The following PAK5 variants were observed in gnomAD, a reference collection of about 807,000 sequenced individuals.
The protein encoded by PAK5 is p21 (RAC1) activated kinase 5, also known as serine/threonine-protein kinase PAK 5.
In PAK5, 16 loss-of-function variants were observed where a neutral mutation model predicts 65.9. The ratio of observed to expected loss-of-function variants is 0.24; its 90% CI spans 0.16 to 0.37. The LOEUF is 0.37. PAK5 is among the 10% of genes least tolerant of loss of function. PAK5 has a pLI of 1.00. For missense variants in PAK5, 785 were observed against 903.9 expected (o/e 0.87, Z 1.69); for synonymous variants, 371 against 354.9 (o/e 1.05, Z -0.51).
chr20:9,551,749 A>G (rs2045431766), intron 7 of PAK5, among the ~76,000 whole-genome samples: 1 of 152,198 alleles, frequency 6.6e-6, no homozygotes, highest in South Asian at 2.1e-4. Context: ...GCCTCACCTG[A>G]GAGCCTGTTA....
intron 2 of PAK5, among the ~76,000 whole-genome samples, chr20:9,699,128 T>C (rs1428564786): frequency 6.6e-6 from 1 of 152,114 alleles, no homozygotes; most frequent in African/African-American, 2.4e-5. Context: ...AGATCTCTGC[T>C]TGCTGTCTTT....
At chr20:9,797,972 C>T (rs567971258) in intron 1 of PAK5, among the ~76,000 whole-genome samples, 35 of 152,138 alleles carry the variant, frequency 2.3e-4, no homozygotes, top group African/African-American at 7.9e-4. Flanking sequence ...AGAAGTACCC[C>T]AACCTGTAGA....
intron 2 of PAK5, among the ~76,000 whole-genome samples, chr20:9,658,879 C>A (rs1282941263): frequency 3.9e-5 from 6 of 152,100 alleles, no homozygotes; most frequent in Non-Finnish European, 7.4e-5. Flanking sequence ...TAAGAATAAA[C>A]CCTAATTCTG....
intron 2 of PAK5, among the ~76,000 whole-genome samples, chr20:9,700,389 T>C (rs1044084236): frequency 6.6e-6 from 1 of 152,162 alleles, no homozygotes; most frequent in African/African-American, 2.4e-5. Context: ...CCAGCCTGGG[T>C]GACAGAGTGA....
intron 1 of PAK5, among the ~76,000 whole-genome samples, chr20:9,750,935 T>C (rs1313554129): frequency 6.6e-6 from 1 of 152,158 alleles, no homozygotes; most frequent in Admixed American, 6.6e-5. Context: ...CCAGGCCACA[T>C]GTCTGTGCCC....
rs1445310484 is a variant in PAK5 at position 9,539,354 on chromosome 20, T to C, written c.*108A>G. ...CCGGTCATCACGCTGTCCCACCAAT[T>C]GGCTGGTCTAGAATGCACAGGCCTT... On this transcript the variant is annotated 3_prime_UTR_variant, in exon 10 of 10. Transcript: ENST00000353224. The C allele has an allele frequency of 9.6e-7, 1 of 1,044,718 alleles. No homozygotes were observed. The highest frequency in any genetic ancestry group is 1.6e-5 in the African/African-American group (1 of 63,614). 64.7% of individuals were successfully genotyped at this position (1,044,718 alleles called of 1,614,324 possible). A position where few individuals can be genotyped will look rare whatever the true frequency, so the allele number is the denominator to read the frequency against.
intron 1 of PAK5, among the ~76,000 whole-genome samples, chr20:9,799,304 A>G (rs1326317612): frequency 6.6e-6 from 1 of 152,144 alleles, no homozygotes; most frequent in African/African-American, 2.4e-5. Context: ...TCCACTTAAT[A>G]GGTGACAATC....
intron 1 of PAK5, among the ~76,000 whole-genome samples, chr20:9,814,611 T>C (rs1027284106): frequency 3.9e-5 from 6 of 152,192 alleles, no homozygotes; most frequent in African/African-American, 1.4e-4. Flanking sequence ...CAGAGCTTTA[T>C]ATCATATGCC....
chr20:9,677,167 C>G (rs1468872197), intron 2 of PAK5, among the ~76,000 whole-genome samples: 1 of 152,028 alleles, frequency 6.6e-6, no homozygotes, highest in Non-Finnish European at 1.5e-5. Flanking sequence ...TAAAAATATT[C>G]TCTTTCACTT....
chr20:9,572,954 C>T lies in PAK5; in HGVS notation c.991-6570G>A, dbSNP rs6056710. 7.8e-3 allele frequency among the ~76,000 whole-genome samples: 1,184 copies of T among 152,136 alleles called. 14 individuals carry two copies. Among genetic ancestry groups the T allele is most frequent in the African/African-American group, 0.027 (1,115 of 41,490 alleles). ...GGTCAATTGTCTTGCAAATTATCACCCAGGCTGCTAAACTGCTTAGCTGCA... is the reference window on the plus strand; with the variant it reads ...GGTCAATTGTCTTGCAAATTATCACTCAGGCTGCTAAACTGCTTAGCTGCA... On this transcript the variant is annotated intron_variant, in intron 4 of 9. Coordinates refer to ENST00000353224, the MANE Select transcript of PAK5 (RefSeq NM_177990.4).
intron 9 of PAK5, among the ~76,000 whole-genome samples, chr20:9,539,886 G>C (rs2045232434): frequency 6.6e-6 from 1 of 152,200 alleles, no homozygotes; most frequent in Admixed American, 6.5e-5. Flanking sequence ...GGCAATCACA[G>C]TGATAAGAGC....
chr20:9,791,966 A>G (rs2049054693), intron 1 of PAK5, among the ~76,000 whole-genome samples: 1 of 151,970 alleles, frequency 6.6e-6, no homozygotes, highest in African/African-American at 2.4e-5. Flanking sequence ...TTCTGCCTGT[A>G]CCTCCTTCAC....
At chr20:9,772,934 T>A (rs1471280028) in intron 1 of PAK5, among the ~76,000 whole-genome samples, 1 of 152,150 alleles carries the variant, frequency 6.6e-6, no homozygotes, top group African/African-American at 2.4e-5. Context: ...CACCCCTCCA[T>A]GGGAAACTGA....
At chr20:9,610,066 A>G (rs1193902014) in intron 3 of PAK5, among the ~76,000 whole-genome samples, 3 of 152,160 alleles carry the variant, frequency 2.0e-5, no homozygotes, top group Admixed American at 2.0e-4. Flanking sequence ...AAACGACTCA[A>G]GCCTGCCCCC....
chr20:9,672,317 C>T, intron 2 of PAK5, among the ~76,000 whole-genome samples: 1 of 147,644 alleles, frequency 6.8e-6, no homozygotes. Context: ...ATTTAATATA[C>T]ATGTGAAATC....
At chr20:9,817,906 G>T (rs973397981) in intron 1 of PAK5, among the ~76,000 whole-genome samples, 2 of 152,186 alleles carry the variant, frequency 1.3e-5, no homozygotes, top group Non-Finnish European at 2.9e-5. Context: ...CTGGCAGTGG[G>T]ACTTTCTTCA....
intron 1 of PAK5, among the ~76,000 whole-genome samples, chr20:9,715,645 T>C (rs1162803635): frequency 6.6e-6 from 1 of 151,770 alleles, no homozygotes; most frequent in African/African-American, 2.4e-5. Context: ...TGGAACCAAC[T>C]CAAATGTCCA....
chr20:9,809,407 T>C lies in PAK5; in HGVS notation c.-162+29355A>G, dbSNP rs548479344. Among the ~76,000 whole-genome samples, 12 of 149,552 alleles carry C rather than the reference T, an allele frequency of 8.0e-5. No individual in the cohort carries two copies. In the East Asian group the frequency reaches 2.4e-3, roughly 29 times the overall value. ...TCTAGGGTTTGGGAATAACTTGGTG[T>C]TTAAAAAAATAAAAAGGAGAAAACA... is the stretch of plus-strand genomic sequence containing the variant. On this transcript the variant is annotated intron_variant, in intron 1 of 9. Transcript: ENST00000353224.
chr20:9,548,690 CATA>C lies in PAK5; in HGVS notation c.1744-4199_1744-4197del, dbSNP rs551006386. The stretch of plus-strand genomic sequence containing the variant: ...GATTTATTTTATACTGACACACATA[CATA>C]ATAGTATACCAGGTGACAGAAGACA... On this transcript the variant is annotated intron_variant, in intron 7 of 9. Transcript: ENST00000353224. Among the ~76,000 whole-genome samples, 510 of 152,300 alleles carry C rather than the reference CATA, an allele frequency of 3.3e-3. 3 individuals are homozygous for C. The highest frequency in any genetic ancestry group is 3.5e-3 in the Non-Finnish European group (235 of 68,028).
Sources: gnomAD v4.1 joint callset for allele counts (sites outside exome capture counted in the v4.1 genomes callset) on GRCh38, gnomAD v4.1.1 for gene constraint, MANE v1.5 for transcripts, NCBI Gene and HGNC (gene_info 2026-07-23, HGNC 2026-07-21) for gene names.